Variants in CLCN6 observed in about 807,000 individuals in gnomAD.
CLCN6 encodes the protein Cl-/H+ antiporter 6, also known as H(+)/Cl(-) exchange transporter 6.
CLCN6 carries 70 observed loss-of-function variants against 109.8 expected under a neutral mutation model. The ratio of observed to expected loss-of-function variants is 0.64; its 90% CI spans 0.53 to 0.78. The LOEUF is 0.78. Ranked by LOEUF, CLCN6 falls within the 30% of genes least tolerant of loss-of-function variation. The pLI, the probability that CLCN6 is intolerant of heterozygous loss-of-function variation, is 0.00. For synonymous variants in CLCN6, 444 were observed against 447.8 expected (o/e 0.99, Z 0.11); for missense variants, 984 against 1,142.3 (o/e 0.86, Z 2.00).
chr1:11,816,709 G>A (rs776359061), intron 4 of CLCN6, 29 bp downstream of exon 4: 6 of 1,587,520 alleles, frequency 3.8e-6, no homozygotes, highest in Non-Finnish European at 3.4e-6. Flanking sequence ...GAGGGATGGT[G>A]GGCCATAGGG....
chr1:11,816,705 T>C (rs1644677395), intron 4 of CLCN6, 25 bp downstream of exon 4: 1 of 1,601,064 alleles, frequency 6.2e-7, no homozygotes, highest in Non-Finnish European at 8.5e-7. Context: ...CCTGGAGGGA[T>C]GGTGGGCCAT....
rs1333734610 is a variant in CLCN6 at position 11,836,051 on chromosome 1, C to T, written c.1878C>T (p.Arg626=). The change falls in exon 18 of 23, where the codon CGC becomes CGT. Residue 626 remains arginine (R), a synonymous_variant. Transcript: ENST00000346436. ...TRIQSLVSIL[R]TTVHHAFPVV... ...TCCAGTCTCTGGTGAGCATCCTGCG[C>T]ACCACGGTCCACCATGCCTTCCCGG... 1 of 1,613,852 alleles carries T rather than the reference C, an allele frequency of 6.2e-7. No individual in the cohort carries two copies. Among genetic ancestry groups the T allele is most frequent in the African/African-American group, 1.3e-5 (1 of 74,864 alleles).
rs953260141 is a variant in CLCN6, at chr1:11,819,525, C to T, written c.317C>T (p.Thr106Ile). 2 of 1,614,202 alleles carry T rather than the reference C, an allele frequency of 1.2e-6. No individual in the cohort carries two copies. Among genetic ancestry groups the T allele is most frequent in the Non-Finnish European group, 1.7e-6 (2 of 1,180,044 alleles). Reference protein sequence around the residue: ...LFVDFFVRLFTQLKFGVVQTS... With the variant: ...LFVDFFVRLFIQLKFGVVQTS... ...GTGGACTTTTTTGTGCGACTCTTCA[C>T]CCAACTCAAGTTCGGAGTGGTACAG... Residue 106 changes from threonine (T) to isoleucine (I), a missense_variant, in exon 5 of 23, where the codon ACC becomes ATC. Thr to Ile is a moderately conservative substitution (Grantham distance 89, BLOSUM62 -1). Coordinates refer to ENST00000346436, the MANE Select transcript of CLCN6 (RefSeq NM_001286.5).
chr1:11,814,046 A>C (rs1326547745), intron 2 of CLCN6, among the ~76,000 whole-genome samples: 1 of 152,200 alleles, frequency 6.6e-6, no homozygotes, highest in Non-Finnish European at 1.5e-5. Flanking sequence ...GGACTCATAA[A>C]AAAAGAATTT....
chr1:11,828,892 C>T (rs1004102213), intron 12 of CLCN6, among the ~76,000 whole-genome samples: 7 of 152,198 alleles, frequency 4.6e-5, no homozygotes, highest in African/African-American at 1.7e-4. Context: ...GTCACCGTGG[C>T]CCTGCCGAGC....
In CLCN6 at chr1:11,836,035, T is replaced by A; in HGVS notation, c.1862T>A (p.Leu621Gln). Residue 621 changes from leucine (L) to glutamine (Q), a missense_variant, in exon 18 of 23, where the codon CTG becomes CAG. Physicochemically the swap from Leu to Gln is moderately radical, Grantham distance 113. Transcript: ENST00000346436. ...YVYPHTRIQSLVSILRTTVHH... is the reference protein window; with the variant it reads ...YVYPHTRIQSQVSILRTTVHH... Reference sequence around the variant, plus strand: ...TACCCGCACACCCGCATCCAGTCTCTGGTGAGCATCCTGCGCACCACGGTC... The same window carrying A: ...TACCCGCACACCCGCATCCAGTCTCAGGTGAGCATCCTGCGCACCACGGTC... The A allele has an allele frequency of 6.2e-7, 1 of 1,613,858 alleles. No individual in the cohort carries two copies. Among genetic ancestry groups the A allele is most frequent in the Non-Finnish European group, 8.5e-7 (1 of 1,179,962 alleles).
chr1:11,821,390 T>C (rs547156101), intron 5 of CLCN6, among the ~76,000 whole-genome samples: 23 of 152,298 alleles, frequency 1.5e-4, no homozygotes, highest in Admixed American at 3.3e-4. Context: ...AAACCCTGTC[T>C]CTACTAAAAA....
At chr1:11,823,465 G>GA (rs2100631648) in intron 6 of CLCN6, among the ~76,000 whole-genome samples, 1 of 148,514 alleles carries the variant, frequency 6.7e-6, no homozygotes, top group South Asian at 2.1e-4. Context: ...CAACAAGAGT[G>GA]AAACTCTACC....
chr1:11,819,425 C>G, intron 4 of CLCN6, 63 bp from the exon 5 acceptor site: 5 of 1,444,092 alleles, frequency 3.5e-6, no homozygotes, highest in South Asian at 1.1e-5. Context: ...AGGAGCACAC[C>G]TGTACTATAC....
At chr1:11,835,597 A>G (rs1644933609) in intron 17 of CLCN6, among the ~76,000 whole-genome samples, 1 of 152,164 alleles carries the variant, frequency 6.6e-6, no homozygotes, top group Non-Finnish European at 1.5e-5. Flanking sequence ...CAGTTGTGGT[A>G]AATGCTGTAG....
Position 11,834,410 on chromosome 1 carries a change from T to A in CLCN6, c.1686+15T>A. 1 of 1,613,148 alleles carries A rather than the reference T, an allele frequency of 6.2e-7. No individual in the cohort carries two copies. Among genetic ancestry groups the A allele is most frequent in the Non-Finnish European group, 8.5e-7 (1 of 1,179,376 alleles). ...TCACACTGATGGTGAGCACACTCCC[T>A]CCAGGCCCCTGTCAGGCTCAGGGCC... On this transcript the variant is annotated intron_variant, in intron 16 of 22. Transcript: ENST00000346436. The surrounding 1 kb of genome is among the most constrained non-coding windows in gnomAD (Gnocchi z 4.5).
In CLCN6 at chr1:11,824,557, A is replaced by G; in HGVS notation, c.648+4A>G. ...GGTGGGAGCTGGCCTCCCTCAGGTA[A>G]GATGGGCTGAGAGGGTGTGGGCCTC... On this transcript the variant is annotated splice_donor_region_variant and intron_variant, in intron 8 of 22. Transcript: ENST00000346436. 1 of 1,613,200 alleles carries G rather than the reference A, an allele frequency of 6.2e-7. No homozygotes were observed. The highest frequency in any genetic ancestry group is 8.5e-7 in the Non-Finnish European group (1 of 1,179,410).
At chr1:11,816,513 C>G in intron 3 of CLCN6, 102 bp from the exon 4 acceptor site, 2 of 1,022,524 alleles carry the variant, frequency 2.0e-6, no homozygotes, top group Non-Finnish European at 1.5e-6. Flanking sequence ...TGTGCCTGCT[C>G]TCCACGTGGA....
intron 13 of CLCN6, among the ~76,000 whole-genome samples, chr1:11,831,752 T>C (rs1409948790): frequency 6.6e-6 from 1 of 152,026 alleles, no homozygotes; most frequent in African/African-American, 2.4e-5. Context: ...GGTGTGATCA[T>C]AGCTTATTGT....
chr1:11,815,089 G>T (rs1382662453), intron 2 of CLCN6, among the ~76,000 whole-genome samples: 3 of 150,608 alleles, frequency 2.0e-5, no homozygotes, highest in Admixed American at 2.0e-4. Flanking sequence ...ATGTTAGTTT[G>T]TCTTGTGACT....
chr1:11,807,484 G>T (rs1299182020), intron 2 of CLCN6, among the ~76,000 whole-genome samples: 2 of 152,214 alleles, frequency 1.3e-5, no homozygotes, highest in Admixed American at 1.3e-4. Flanking sequence ...GAGACTTAGA[G>T]TGAAAGGCAC....
intron 3 of CLCN6, among the ~76,000 whole-genome samples, chr1:11,816,308 A>G (rs947816993): frequency 6.6e-6 from 1 of 152,156 alleles, no homozygotes; most frequent in African/African-American, 2.4e-5. Flanking sequence ...GACTCACTTT[A>G]TTGTGATATT....
intron 11 of CLCN6, 87 bp from the exon 12 acceptor site, chr1:11,828,371 A>G (rs771722467): frequency 5.6e-5 from 87 of 1,555,858 alleles, no homozygotes; most frequent in Non-Finnish European, 5.8e-5. Context: ...AAGCAGCCCC[A>G]CTCTTGCTTC....
intron 22 of CLCN6, 67 bp from the exon 23 acceptor site, chr1:11,840,076 C>G (rs1644999686): frequency 7.7e-7 from 1 of 1,299,246 alleles, no homozygotes; most frequent in South Asian, 1.2e-5. Flanking sequence ...AGGGCCGGCT[C>G]CTGTCACTCC....
Sources: allele counts gnomAD v4.1 joint callset (sites outside exome capture counted in the v4.1 genomes callset), GRCh38; gene constraint gnomAD v4.1.1; non-coding constraint Gnocchi (gnomAD v3.1); transcripts MANE v1.5; gene names NCBI Gene and HGNC (gene_info 2026-07-23, HGNC 2026-07-21).